The following SNX25 variants were observed in gnomAD, a reference collection of about 807,000 sequenced individuals.
SNX25 encodes the protein sorting nexin-25.
In SNX25, 62 loss-of-function variants were observed where a neutral mutation model predicts 113.7. That is an observed-to-expected ratio of 0.55 (90% confidence interval 0.44 to 0.67). The LOEUF (loss-of-function observed/expected upper bound fraction) is 0.67, where lower values mean the gene tolerates loss of function less well. SNX25 is among the 30% of genes least tolerant of loss of function. SNX25 has a pLI of 0.00. For synonymous variants in SNX25, 421 were observed against 436.2 expected (o/e 0.97, Z 0.43); for missense variants, 1,014 against 1,161.0 (o/e 0.87, Z 1.84).
intron 12 of SNX25, among the ~76,000 whole-genome samples, chr4:185,343,248 A>G (rs2095269341): frequency 6.6e-6 from 1 of 152,220 alleles, no homozygotes; most frequent in Admixed American, 6.5e-5. Flanking sequence ...GAAAACGAAT[A>G]CTAATAGTGC....
At chr4:185,376,897 A>C in the SNX25 span, 1 of 1,584,926 alleles carries the variant, frequency 6.3e-7, no homozygotes, top group East Asian at 2.2e-5. Flanking sequence ...ACGAATAAAC[A>C]AAAAATGATA....
chr4:185,378,369 G>A, the SNX25 span: 3 of 1,413,028 alleles, frequency 2.1e-6, no homozygotes, highest in East Asian at 2.6e-5. Flanking sequence ...TTCTTTACTA[G>A]GACACCAAGA....
At chr4:185,305,571 A>G (rs1754346677) in intron 6 of SNX25, among the ~76,000 whole-genome samples, 2 of 152,200 alleles carry the variant, frequency 1.3e-5, no homozygotes. Flanking sequence ...GTTTTACTGC[A>G]AGCCACTTCA....
chr4:185,206,103 T>C (rs1015980485), upstream of SNX25, among the ~76,000 whole-genome samples: 5 of 152,224 alleles, frequency 3.3e-5, no homozygotes, highest in Non-Finnish European at 7.3e-5. Flanking sequence ...TAGTATGGCA[T>C]GTTCTGAAAA....
At chr4:185,233,880 T>TG (rs1206152183) in intron 1 of SNX25, among the ~76,000 whole-genome samples, 3 of 150,900 alleles carry the variant, frequency 2.0e-5, no homozygotes, top group Admixed American at 6.7e-5. Flanking sequence ...TATTTTTAGA[T>TG]GGAGTGTGGC....
intron 16 of SNX25, among the ~76,000 whole-genome samples, chr4:185,358,984 T>G (rs1380245203): frequency 1.3e-5 from 2 of 152,210 alleles, no homozygotes; most frequent in Admixed American, 6.5e-5. Context: ...TTGCTATTTT[T>G]TTATTGATTT....
At chr4:185,261,110 G>C (rs955234214) in intron 3 of SNX25, among the ~76,000 whole-genome samples, 11 of 135,030 alleles carry the variant, frequency 8.1e-5, no homozygotes, top group Non-Finnish European at 1.4e-4. Flanking sequence ...CTGTCTGTCT[G>C]TCTCTGTGTG....
At chr4:185,216,341 T>C (rs140352903) in intron 1 of SNX25, among the ~76,000 whole-genome samples, 1 of 152,102 alleles carries the variant, frequency 6.6e-6, no homozygotes, top group East Asian at 1.9e-4. Flanking sequence ...TAAAGGAAAG[T>C]TTTTCTCTGT....
chr4:185,247,414 A>G, intron 2 of SNX25, 36 bp downstream of exon 2: 1 of 1,348,408 alleles, frequency 7.4e-7, no homozygotes, highest in South Asian at 1.2e-5. Context: ...TTACCATGTA[A>G]AGCAATTCAT....
intron 7 of SNX25, among the ~76,000 whole-genome samples, chr4:185,313,385 A>G (rs570904024): frequency 2.0e-5 from 3 of 152,334 alleles, no homozygotes; most frequent in Non-Finnish European, 4.4e-5. Context: ...AATGTTCTCA[A>G]TCAATAAAGA....
downstream of SNX25, chr4:185,374,288 C>A: frequency 1.2e-6 from 2 of 1,614,096 alleles, no homozygotes; most frequent in Non-Finnish European, 1.7e-6. Context: ...GCATTTCCTT[C>A]AAACCTAATC....
chr4:185,229,590 A>C (rs1303212377), intron 1 of SNX25, among the ~76,000 whole-genome samples: 2 of 152,046 alleles, frequency 1.3e-5, no homozygotes, highest in African/African-American at 4.8e-5. Flanking sequence ...CCATCTGTTG[A>C]TTTGCCCACG....
At chr4:185,329,457 G>A (rs2095178832) in intron 9 of SNX25, among the ~76,000 whole-genome samples, 1 of 152,164 alleles carries the variant, frequency 6.6e-6, no homozygotes, top group Admixed American at 6.5e-5. Context: ...TCCTAAAGAG[G>A]ACGGTTAAGC....
chr4:185,239,822 G>T (rs1451612362), intron 1 of SNX25, among the ~76,000 whole-genome samples: 2 of 146,174 alleles, frequency 1.4e-5, no homozygotes, highest in Non-Finnish European at 3.0e-5. Flanking sequence ...TCGCAGAGGG[G>T]GATTTGGCAG....
At chr4:185,238,268 A>G (rs1742970871) in intron 1 of SNX25, among the ~76,000 whole-genome samples, 1 of 151,824 alleles carries the variant, frequency 6.6e-6, no homozygotes, top group African/African-American at 2.4e-5. Flanking sequence ...CCATTAGTAA[A>G]TGGCAGAGTG....
chr4:185,377,995 C>A, the SNX25 span: 2 of 1,091,544 alleles, frequency 1.8e-6, no homozygotes, highest in Non-Finnish European at 2.7e-6. Flanking sequence ...CAATAAAACA[C>A]ATTATTTCTT....
chr4:185,231,223 C>T (rs374430626), intron 1 of SNX25, among the ~76,000 whole-genome samples: 41 of 151,688 alleles, frequency 2.7e-4, no homozygotes, highest in East Asian at 1.8e-3. Flanking sequence ...CTCAGCCTCC[C>T]GAGTAGCCGG....
At chr4:185,293,470 T>C (rs1752446405) in intron 6 of SNX25, among the ~76,000 whole-genome samples, 1 of 152,202 alleles carries the variant, frequency 6.6e-6, no homozygotes, top group Non-Finnish European at 1.5e-5. Flanking sequence ...GAAAACCATA[T>C]GCTAAGTGAA....
chr4:185,217,307 A>G (rs1031554287), intron 1 of SNX25, among the ~76,000 whole-genome samples: 1 of 152,172 alleles, frequency 6.6e-6, no homozygotes, highest in African/African-American at 2.4e-5. Context: ...GTGAGAGTTA[A>G]TGAAGCTGTG....
Sources: gnomAD v4.1 joint callset for allele counts (sites outside exome capture counted in the v4.1 genomes callset) on GRCh38, gnomAD v4.1.1 for gene constraint, MANE v1.5 for transcripts, NCBI Gene and HGNC (gene_info 2026-07-23, HGNC 2026-07-21) for gene names.